PWWP2A: variants seen among roughly 807,000 people sequenced by gnomAD.
The protein encoded by PWWP2A is PWWP domain-containing protein 2A.
PWWP2A carries 18 observed loss-of-function variants against 48.5 expected under a neutral mutation model. The observed-to-expected ratio is 0.37, with a 90% CI of 0.26 to 0.55. The LOEUF (loss-of-function observed/expected upper bound fraction) is 0.55, where lower values mean the gene tolerates loss of function less well. PWWP2A is among the 20% of genes least tolerant of loss of function. PWWP2A has a pLI of 0.81. For synonymous variants in PWWP2A, 396 were observed against 387.7 expected (o/e 1.02, Z -0.25); for missense variants, 867 against 976.4 (o/e 0.89, Z 1.49).
chr5:160,112,380 C>T (rs1008504501), intron 1 of PWWP2A, among the ~76,000 whole-genome samples: 1 of 151,818 alleles, frequency 6.6e-6, no homozygotes, highest in Non-Finnish European at 1.5e-5. Flanking sequence ...GCCACCACAC[C>T]CAGATAATTT....
rs746224046 is a variant in PWWP2A at position 160,119,153 on chromosome 5, G to A, written c.236C>T (p.Ala79Val). 1 of 1,548,230 alleles carries A rather than the reference G, an allele frequency of 6.5e-7. No individual in the cohort carries two copies. The highest frequency in any genetic ancestry group is 8.6e-7 in the Non-Finnish European group (1 of 1,160,978). Reference sequence around the variant, plus strand: ...CGGCCCCACCGCCTCTGGGCTGCGGGCGAGCTCCCCCGGCGGCGGCGGTGG... The same window carrying A: ...CGGCCCCACCGCCTCTGGGCTGCGGACGAGCTCCCCCGGCGGCGGCGGTGG... ...PPPPPPPGEL[A>V]RSPEAVGPEL... is the part of the protein sequence containing the mutation. Residue 79 changes from alanine to valine, a missense_variant, in exon 1 of 2, where the codon GCC (alanine) becomes GTC (valine). Ala to Val is a moderately conservative substitution (Grantham distance 64). This residue lies in a region of PWWP2A where 385 missense variants were observed against 396.9 expected (regional missense o/e 0.97). Transcript: ENST00000307063.
At chr5:160,047,007 G>A in the PWWP2A span, among the ~76,000 whole-genome samples, 1 of 152,010 alleles carries the variant, frequency 6.6e-6, no homozygotes, top group Non-Finnish European at 1.5e-5. Flanking sequence ...GCAAGATTCC[G>A]TCTAAAAAAA....
At chr5:160,089,446 A>T, downstream of PWWP2A, 1 of 914,064 alleles carries the variant, frequency 1.1e-6, no homozygotes, top group Non-Finnish European at 1.5e-6. Context: ...TCCGGGCCTC[A>T]AGCAATCATC....
chr5:160,119,332 G>GC lies in PWWP2A; in HGVS notation c.56dup (p.Ala20ArgfsTer15). ...CCATCTCCGGCTCGGCCTCGCCGGCGCCCCCCTCCCCGGGGGACGCTGCAG... is the reference window on the plus strand; with the variant it reads ...CCATCTCCGGCTCGGCCTCGCCGGCGCCCCCCCTCCCCGGGGGACGCTGCAG... On this transcript the variant is annotated frameshift_variant, in exon 1 of 2. Transcript: ENST00000307063. LOFTEE classifies it high-confidence loss of function. 2 of 1,388,130 alleles carry GC rather than the reference G, an allele frequency of 1.4e-6. No homozygotes were observed. The highest frequency in any genetic ancestry group is 1.9e-6 in the Non-Finnish European group (2 of 1,077,604). 86.0% of individuals were successfully genotyped at this position (1,388,130 alleles called of 1,614,324 possible). A position where few individuals can be genotyped will look rare whatever the true frequency, so the allele number is the denominator to read the frequency against.
downstream of PWWP2A, among the ~76,000 whole-genome samples, chr5:160,059,871 G>C (rs1179990298): frequency 2.6e-5 from 4 of 152,222 alleles, no homozygotes; most frequent in African/African-American, 9.6e-5. Context: ...CATGAAATGA[G>C]CACGTGCTAT....
rs1248213928 is a variant in PWWP2A, at chr5:160,077,460, T to TA, written c.*694dup. 6.6e-6 allele frequency: 1 copy of TA among 152,216 alleles called. No homozygotes were observed. The highest frequency in any genetic ancestry group is 2.4e-5 in the African/African-American group (1 of 41,454). 9.4% of individuals were successfully genotyped at this position (152,216 alleles called of 1,614,324 possible). The stretch of plus-strand genomic sequence containing the variant: ...AATTATGAAAATGTGCACAAAATGT[T>TA]AAATACTAGTGGCAAATAAATATAT... On this transcript the variant is annotated 3_prime_UTR_variant, in exon 4 of 4. Coordinates refer to the PWWP2A transcript ENST00000456329. This position sits in a 1 kb window ranked among gnomAD's most constrained non-coding sequence, Gnocchi z 4.2.
At chr5:160,098,961 A>C (rs1441124275) in intron 1 of PWWP2A, among the ~76,000 whole-genome samples, 2 of 152,192 alleles carry the variant, frequency 1.3e-5, no homozygotes, top group Admixed American at 6.5e-5. Context: ...AAAACAAAAC[A>C]AAACAAAACC....
At chr5:160,090,810 T>C (rs1485716647), downstream of PWWP2A, 1 of 981,508 alleles carries the variant, frequency 1.0e-6, no homozygotes, top group East Asian at 1.1e-4. Context: ...ACACAAAGTA[T>C]GAAAGCAACT....
intron 1 of PWWP2A, among the ~76,000 whole-genome samples, chr5:160,109,774 AATATATATATATATATAT>A (rs1223846862): frequency 1.6e-4 from 4 of 25,236 alleles, no homozygotes; most frequent in African/African-American, 4.5e-4. Flanking sequence ...AAAAAAAAAA[AATATATATATATATATAT>A]ATATATATAT....
Position 160,119,009 on chromosome 5 carries a change from G to C in PWWP2A, c.380C>G (p.Pro127Arg). Residue 127 changes from proline (P) to arginine (R), a missense_variant, in exon 1 of 2, where the codon CCC becomes CGC. Physicochemically the swap from Pro to Arg is moderately radical, Grantham distance 103 (BLOSUM62 -2). This residue lies in a region of PWWP2A where 385 missense variants were observed against 396.9 expected (regional missense o/e 0.97). Coordinates refer to ENST00000307063, the MANE Select transcript of PWWP2A (RefSeq NM_001130864.2). Reference protein sequence around the residue: ...PASPPEQPPAPEEREEPPLPQ... With the variant: ...PASPPEQPPAREEREEPPLPQ... ...CAGCGGCGGCTCCTCGCGCTCCTCG[G>C]GAGCCGGGGGCTGCTCCGGCGGCGA... 1.3e-6 allele frequency: 2 copies of C among 1,599,208 alleles called. No homozygotes were observed. Among genetic ancestry groups the C allele is most frequent in the Middle Eastern group, 1.7e-4 (1 of 6,028 alleles).
intron 1 of PWWP2A, among the ~76,000 whole-genome samples, chr5:160,113,493 A>G (rs1411139175): frequency 2.0e-5 from 3 of 152,248 alleles, no homozygotes; most frequent in Non-Finnish European, 4.4e-5. Context: ...TGTACCATGC[A>G]TAACGTCAAG....
chr5:160,058,305 C>T (rs1757598603), downstream of PWWP2A, among the ~76,000 whole-genome samples: 1 of 152,212 alleles, frequency 6.6e-6, no homozygotes, highest in Non-Finnish European at 1.5e-5. Flanking sequence ...GAAGTCTTCA[C>T]CCCCTCAAAG....
chr5:160,092,317 AT>A lies in PWWP2A; in HGVS notation c.*64del. On this transcript the variant is annotated 3_prime_UTR_variant, in exon 2 of 2. Coordinates refer to ENST00000307063, the MANE Select transcript of PWWP2A (RefSeq NM_001130864.2). Reference sequence around the variant, plus strand: ...CTGGCCACGCTATTTTGTAGAAATTATTCCTAACTAGACTAGAAAATCTGTG... The same window carrying A: ...CTGGCCACGCTATTTTGTAGAAATTATCCTAACTAGACTAGAAAATCTGTG... 6.8e-7 allele frequency: 1 copy of A among 1,460,496 alleles called. No individual in the cohort carries two copies. The highest frequency in any genetic ancestry group is 9.0e-7 in the Non-Finnish European group (1 of 1,105,528). 90.5% of individuals were successfully genotyped at this position (1,460,496 alleles called of 1,614,324 possible).
downstream of PWWP2A, chr5:160,089,685 C>T: frequency 1.6e-6 from 2 of 1,277,582 alleles, no homozygotes; most frequent in South Asian, 2.5e-5. Flanking sequence ...ACATTCTTAG[C>T]TTTCACAACT....
At chr5:160,087,609 TACAGATG>T (rs1754740980), downstream of PWWP2A, among the ~76,000 whole-genome samples, 1 of 152,120 alleles carries the variant, frequency 6.6e-6, no homozygotes. Context: ...AAAACTAAAT[TACAGATG>T]GAAGGTGGTG....
At chr5:160,102,272 G>T (rs1245054909) in intron 1 of PWWP2A, among the ~76,000 whole-genome samples, 2 of 151,640 alleles carry the variant, frequency 1.3e-5, no homozygotes, top group Non-Finnish European at 2.9e-5. Context: ...CCCAGGGGTG[G>T]TGACAGACAC....
At chr5:160,099,802 C>G (rs1756070722) in intron 1 of PWWP2A, among the ~76,000 whole-genome samples, 1 of 151,856 alleles carries the variant, frequency 6.6e-6, no homozygotes, top group African/African-American at 2.4e-5. Context: ...CTTGGCCTCC[C>G]AAGTGGGTGT....
downstream of PWWP2A, among the ~76,000 whole-genome samples, chr5:160,060,977 G>C (rs1753369681): frequency 6.6e-6 from 1 of 152,122 alleles, no homozygotes; most frequent in African/African-American, 2.4e-5. Context: ...CCACCCCCAG[G>C]GTCTCCCCTT....
intron 5 of PWWP2A, among the ~76,000 whole-genome samples, chr5:160,063,234 A>G (rs1183973447): frequency 1.3e-5 from 2 of 152,170 alleles, no homozygotes; most frequent in Non-Finnish European, 2.9e-5. Context: ...TGTAAAGGCC[A>G]TGCGTTTTTT....
Sources: allele counts gnomAD v4.1 joint callset (sites outside exome capture counted in the v4.1 genomes callset), GRCh38; gene constraint gnomAD v4.1.1; regional missense constraint gnomAD v4.1.1; non-coding constraint Gnocchi (gnomAD v3.1); transcripts MANE v1.5; gene names NCBI Gene and HGNC (gene_info 2026-07-23, HGNC 2026-07-21).